Variants in ZBTB46 observed in about 807,000 individuals in gnomAD.
ZBTB46 encodes the protein zinc finger and BTB domain containing 46, also known as zinc finger and BTB domain-containing protein 46.
In ZBTB46, 8 loss-of-function variants were observed where a neutral mutation model predicts 44.1. That is an observed-to-expected ratio of 0.18 (90% CI 0.11 to 0.33). The LOEUF is 0.33. Ranked by LOEUF, ZBTB46 falls within the 10% of genes least tolerant of loss-of-function variation. ZBTB46 has a pLI of 1.00. For missense variants in ZBTB46, 651 were observed against 847.7 expected (o/e 0.77, Z 2.88); for synonymous variants, 409 against 382.3 (o/e 1.07, Z -0.81).
chr20:63,751,412 C>T (rs1353094671), intron 4 of ZBTB46, among the ~76,000 whole-genome samples: 3 of 152,166 alleles, frequency 2.0e-5, no homozygotes, highest in Non-Finnish European at 2.9e-5. Context: ...CTCCAGCACA[C>T]ATCCCAGGCG....
At chr20:63,748,408 G>A (rs1328611806) in intron 4 of ZBTB46, among the ~76,000 whole-genome samples, 4 of 152,222 alleles carry the variant, frequency 2.6e-5, no homozygotes, top group African/African-American at 9.6e-5. Flanking sequence ...GAGGGTGGGT[G>A]TGGACACCTG....
At chr20:63,782,628 C>A (rs1042257998) in intron 2 of ZBTB46, among the ~76,000 whole-genome samples, 1 of 152,196 alleles carries the variant, frequency 6.6e-6, no homozygotes, top group Non-Finnish European at 1.5e-5. Flanking sequence ...GAGCCTGACA[C>A]CCAAACGCCC....
chr20:63,761,303 A>G (rs1337636696), intron 3 of ZBTB46, among the ~76,000 whole-genome samples: 1 of 151,882 alleles, frequency 6.6e-6, no homozygotes, highest in African/African-American at 2.4e-5. Context: ...TCACCCTGAT[A>G]TCTATTCTTT....
chr20:63,755,686 T>C (rs2092214455), intron 3 of ZBTB46, among the ~76,000 whole-genome samples: 1 of 151,446 alleles, frequency 6.6e-6, no homozygotes, highest in African/African-American at 2.4e-5. Context: ...TGGCTGTCAT[T>C]ACTAAAATAA....
At chr20:63,793,181 C>T (rs958046792) in intron 1 of ZBTB46, among the ~76,000 whole-genome samples, 2 of 152,234 alleles carry the variant, frequency 1.3e-5, no homozygotes, top group African/African-American at 4.8e-5. Flanking sequence ...TCCCGCCCCA[C>T]ACTGGCCCCG....
At position 63,767,318 on chromosome 20, in the gene ZBTB46, G is replaced by A. The variant is rs972606674; in HGVS notation, c.1222+8360C>T. 4.0e-5 allele frequency among the ~76,000 whole-genome samples: 6 copies of A among 151,766 alleles called. No homozygotes were observed. The highest frequency in any genetic ancestry group is 1.2e-4 in the African/African-American group (5 of 41,286). ...CACATTGGCAATCCCGTAGGATCTCGGTCATCTGAACCCCGTCGGGCAGAA... is the reference window on the plus strand; with the variant it reads ...CACATTGGCAATCCCGTAGGATCTCAGTCATCTGAACCCCGTCGGGCAGAA... On this transcript the variant is annotated intron_variant, in intron 3 of 4. Coordinates refer to ENST00000245663, the MANE Select transcript of ZBTB46 (RefSeq NM_001369741.1). This position sits in a 1 kb window ranked among gnomAD's most constrained non-coding sequence, Gnocchi z 5.0.
chr20:63,765,229 C>T (rs1014712778), intron 3 of ZBTB46, among the ~76,000 whole-genome samples: 5 of 151,996 alleles, frequency 3.3e-5, no homozygotes, highest in East Asian at 3.9e-4. Context: ...CCTCAAGTCC[C>T]GGCTCCTCTG....
chr20:63,827,564 C>T (rs1196011996), intron 1 of ZBTB46, among the ~76,000 whole-genome samples: 1 of 149,298 alleles, frequency 6.7e-6, no homozygotes, highest in Non-Finnish European at 1.5e-5. Flanking sequence ...GCCGAGATTG[C>T]GCCACTGCAG....
At chr20:63,827,628 CAAA>C (rs1176700985) in intron 1 of ZBTB46, among the ~76,000 whole-genome samples, 9 of 129,866 alleles carry the variant, frequency 6.9e-5, no homozygotes, top group Non-Finnish European at 1.2e-4. Context: ...AAAAAAAAAA[CAAA>C]AAAAAAAAAC....
intron 2 of ZBTB46, among the ~76,000 whole-genome samples, chr20:63,785,756 C>T (rs181019278): frequency 1.4e-4 from 21 of 152,286 alleles, no homozygotes; most frequent in African/African-American, 3.4e-4. Flanking sequence ...AGTCACTGGC[C>T]GCCACAGCGT....
rs915763079 is a variant in ZBTB46 at position 63,803,749 on chromosome 20, C to G, written c.-33-12959G>C. On this transcript the variant is annotated intron_variant, in intron 1 of 4. Transcript: ENST00000245663. The surrounding 1 kb of genome is among the most constrained non-coding windows in gnomAD (Gnocchi z 4.0). ...TTGTAATGGGGTCTCACTCTGTCCC[C>G]CAGGCTGGAGTGCAGTGGCGCAATC... 6.6e-6 allele frequency among the ~76,000 whole-genome samples: 1 copy of G among 152,172 alleles called. No homozygotes were observed. The highest frequency in any genetic ancestry group is 1.5e-5 in the Non-Finnish European group (1 of 68,038).
Position 63,744,022 on chromosome 20 carries a change from T to C in ZBTB46, c.*2908A>G, listed in dbSNP as rs1049307586. ...TTTTTGTTGACAGGTTGAAAGCATGTTGAAAAAAATAAATATTTAAGAAAA... is the reference window on the plus strand; with the variant it reads ...TTTTTGTTGACAGGTTGAAAGCATGCTGAAAAAAATAAATATTTAAGAAAA... On this transcript the variant is annotated 3_prime_UTR_variant, in exon 5 of 5. Transcript: ENST00000245663. The C allele has an allele frequency of 6.6e-6, 1 of 150,650 alleles. No homozygotes were observed. 9.3% of individuals were successfully genotyped at this position (150,650 alleles called of 1,614,324 possible).
chr20:63,830,934 C>T (rs1334146873), intron 1 of ZBTB46, among the ~76,000 whole-genome samples, 163 bp downstream of exon 1: 1 of 142,056 alleles, frequency 7.0e-6, no homozygotes, highest in Admixed American at 6.9e-5. Context: ...GCGCCGATGG[C>T]CCCCGGGAGG....
At chr20:63,771,156 G>A (rs2145842177) in intron 3 of ZBTB46, among the ~76,000 whole-genome samples, 1 of 152,338 alleles carries the variant, frequency 6.6e-6, no homozygotes, top group East Asian at 1.9e-4. Context: ...CTGGGTACCG[G>A]GGACCCTCGC....
chr20:63,812,229 G>C lies in ZBTB46; in HGVS notation c.-34+18868C>G, dbSNP rs550573296. On this transcript the variant is annotated intron_variant, in intron 1 of 4. Coordinates refer to ENST00000245663, the MANE Select transcript of ZBTB46 (RefSeq NM_001369741.1). Reference sequence around the variant, plus strand: ...AATTAACATTAAAATTTTTCACAAGGCCAGGCAAGGAGGCTCAGGCCTGTG... The same window carrying C: ...AATTAACATTAAAATTTTTCACAAGCCCAGGCAAGGAGGCTCAGGCCTGTG... 2.0e-5 allele frequency among the ~76,000 whole-genome samples: 3 copies of C among 152,310 alleles called. 1 individual carries two copies. In the South Asian group the frequency reaches 6.2e-4, roughly 32 times the overall value.
chr20:63,744,333 C>G lies in ZBTB46; in HGVS notation c.*2597G>C, dbSNP rs1344385550. The stretch of plus-strand genomic sequence containing the variant: ...TGGCAGTGTCCTGTGTCCCAAAGCT[C>G]AGAGAGCCCCAGTGTACAACCTGGT... On this transcript the variant is annotated 3_prime_UTR_variant, in exon 5 of 5. Transcript: ENST00000245663. 1 of 152,188 alleles carries G rather than the reference C, an allele frequency of 6.6e-6. No homozygotes were observed. The highest frequency in any genetic ancestry group is 1.5e-5 in the Non-Finnish European group (1 of 68,040). The allele number at this position is 152,188 out of a possible 1,614,324, so 9.4% of individuals were successfully genotyped here.
intron 1 of ZBTB46, among the ~76,000 whole-genome samples, chr20:63,802,916 G>A (rs897588926): frequency 6.6e-6 from 1 of 152,192 alleles, no homozygotes; most frequent in Non-Finnish European, 1.5e-5. Flanking sequence ...CAGACCTCCG[G>A]CCTCCAGGAC....
intron 3 of ZBTB46, among the ~76,000 whole-genome samples, chr20:63,765,263 T>A (rs974722017): frequency 6.6e-6 from 1 of 152,122 alleles, no homozygotes; most frequent in Non-Finnish European, 1.5e-5. Flanking sequence ...ACAATCTCTA[T>A]CTGTACACTG....
intron 1 of ZBTB46, among the ~76,000 whole-genome samples, chr20:63,801,792 A>G (rs1005004079): frequency 1.3e-5 from 2 of 152,148 alleles, no homozygotes; most frequent in African/African-American, 2.4e-5. Context: ...TCTTGAAGTC[A>G]GTGAGACCAA....
Sources: allele counts gnomAD v4.1 joint callset (sites outside exome capture counted in the v4.1 genomes callset), GRCh38; gene constraint gnomAD v4.1.1; non-coding constraint Gnocchi (gnomAD v3.1); transcripts MANE v1.5; gene names NCBI Gene and HGNC (gene_info 2026-07-23, HGNC 2026-07-21).